EPB41L5: variants seen among roughly 807,000 people sequenced by gnomAD.
EPB41L5 encodes erythrocyte membrane protein band 4.1 like 5, also known as band 4.1-like protein 5.
In EPB41L5, 55 loss-of-function variants were observed where a neutral mutation model predicts 106.6. The observed-to-expected ratio is 0.52, with a 90% CI of 0.42 to 0.65. The LOEUF is 0.65. EPB41L5 is among the 30% of genes least tolerant of loss of function. EPB41L5 has a pLI of 0.00. For missense variants in EPB41L5, 871 were observed against 882.1 expected (o/e 0.99, Z 0.16); for synonymous variants, 297 against 306.7 (o/e 0.97, Z 0.33).
intron 3 of EPB41L5, among the ~76,000 whole-genome samples, chr2:120,050,135 A>G (rs1357027901): frequency 1.3e-5 from 2 of 152,002 alleles, no homozygotes. Flanking sequence ...TCTGACAATT[A>G]TATGTCTTGG....
At chr2:120,157,060 TAGA>T (rs1490280473) in intron 20 of EPB41L5, among the ~76,000 whole-genome samples, 1 of 152,136 alleles carries the variant, frequency 6.6e-6, no homozygotes. Context: ...TCAGCAAATG[TAGA>T]AGAACTGAAA....
chr2:120,158,499 C>T, intron 20 of EPB41L5, among the ~76,000 whole-genome samples: 1 of 152,216 alleles, frequency 6.6e-6, no homozygotes, highest in East Asian at 1.9e-4. Context: ...ACATTATTAT[C>T]TCAATAGATG....
chr2:120,082,925 G>T (rs914507089), intron 10 of EPB41L5, among the ~76,000 whole-genome samples: 1 of 152,104 alleles, frequency 6.6e-6, no homozygotes, highest in Non-Finnish European at 1.5e-5. Context: ...ATGGTAGTTT[G>T]TATTTCTGTG....
At chr2:120,100,153 T>G (rs1182447816) in intron 14 of EPB41L5, 91 bp from the exon 15 acceptor site, 2 of 907,474 alleles carry the variant, frequency 2.2e-6, no homozygotes, top group Non-Finnish European at 3.3e-6. Context: ...ATCTTTAAAA[T>G]AAATATTTTA....
intron 14 of EPB41L5, 82 bp downstream of exon 14, chr2:120,093,358 C>A: frequency 8.7e-7 from 1 of 1,153,482 alleles, no homozygotes; most frequent in Non-Finnish European, 1.3e-6. Flanking sequence ...TATTTAAGAC[C>A]TATCAAAATG....
At chr2:120,109,283 C>T (rs937170990) in intron 16 of EPB41L5, among the ~76,000 whole-genome samples, 1 of 152,162 alleles carries the variant, frequency 6.6e-6, no homozygotes, top group African/African-American at 2.4e-5. Flanking sequence ...TCAATGCTCC[C>T]TGATACCATA....
At chr2:120,021,893 G>A (rs1047485590) in intron 2 of EPB41L5, among the ~76,000 whole-genome samples, 6 of 152,150 alleles carry the variant, frequency 3.9e-5, no homozygotes, top group Non-Finnish European at 8.8e-5. Context: ...ATTGAATGAA[G>A]CACATACTCA....
chr2:120,061,286 G>T (rs1681051139), intron 3 of EPB41L5, among the ~76,000 whole-genome samples: 1 of 147,736 alleles, frequency 6.8e-6, no homozygotes, highest in Non-Finnish European at 1.5e-5. Context: ...GCAGTGGCGG[G>T]ATCTCGGCTC....
At chr2:120,122,853 G>T (rs1425774170) in intron 16 of EPB41L5, among the ~76,000 whole-genome samples, 2 of 152,140 alleles carry the variant, frequency 1.3e-5, no homozygotes, top group Non-Finnish European at 2.9e-5. Context: ...TTATTTCTGA[G>T]CAGTGGTTTG....
At chr2:120,049,679 G>A (rs1309873012) in intron 3 of EPB41L5, among the ~76,000 whole-genome samples, 2 of 152,054 alleles carry the variant, frequency 1.3e-5, no homozygotes, top group African/African-American at 4.8e-5. Context: ...GGTTAATATT[G>A]CCATGTGTGA....
intron 1 of EPB41L5, 58 bp from the exon 2 acceptor site, chr2:120,019,019 A>G (rs1677736731): frequency 7.0e-7 from 1 of 1,425,694 alleles, no homozygotes; most frequent in Non-Finnish European, 9.6e-7. Context: ...GACTGACTGC[A>G]AGTTGTGGAG....
chr2:120,116,818 ATATC>A (rs1202091130), intron 16 of EPB41L5, among the ~76,000 whole-genome samples: 1 of 152,150 alleles, frequency 6.6e-6, no homozygotes, highest in Non-Finnish European at 1.5e-5. Flanking sequence ...ATGAGCCACT[ATATC>A]TACCTAAATG....
intron 3 of EPB41L5, among the ~76,000 whole-genome samples, chr2:120,060,802 A>C (rs1478096056): frequency 1.3e-5 from 2 of 152,186 alleles, no homozygotes; most frequent in Non-Finnish European, 2.9e-5. Context: ...TTATGTTAAA[A>C]TGTAAGCATT....
At chr2:120,156,364 A>C (rs936385303) in intron 20 of EPB41L5, among the ~76,000 whole-genome samples, 4 of 152,114 alleles carry the variant, frequency 2.6e-5, no homozygotes, top group African/African-American at 9.7e-5. Flanking sequence ...ACGGCCATGC[A>C]CCAGCCTGCC....
At chr2:120,060,617 G>A (rs779000952) in intron 3 of EPB41L5, among the ~76,000 whole-genome samples, 11 of 152,152 alleles carry the variant, frequency 7.2e-5, no homozygotes, top group African/African-American at 1.2e-4. Flanking sequence ...GGATATTGGC[G>A]TTGGGGGAGT....
intron 20 of EPB41L5, among the ~76,000 whole-genome samples, chr2:120,156,616 T>C (rs942005389): frequency 3.3e-5 from 5 of 151,930 alleles, no homozygotes; most frequent in East Asian, 1.9e-4. Context: ...GGAGTGAAAA[T>C]AGGCATGGAG....
chr2:120,167,752 CAG>C lies in EPB41L5; in HGVS notation c.2005-124_2005-123del, dbSNP rs368478906. The C allele has an allele frequency of 7.0e-4, 874 of 1,242,434 alleles. 4 individuals are homozygous for C. In the African/African-American group the frequency reaches 0.011, roughly 16 times the overall value. 77.0% of individuals were successfully genotyped at this position (1,242,434 alleles called of 1,614,324 possible). On this transcript the variant is annotated intron_variant, in intron 23 of 24. Coordinates refer to ENST00000263713, the MANE Select transcript of EPB41L5 (RefSeq NM_020909.4). The stretch of plus-strand genomic sequence containing the variant: ...GAATAGTTAAGAAAAACAAAACAAA[CAG>C]TCATAATTATCAAAACCATCTTCGT...
intron 16 of EPB41L5, among the ~76,000 whole-genome samples, chr2:120,125,139 A>G (rs1298568710): frequency 6.6e-6 from 1 of 152,198 alleles, no homozygotes; most frequent in Non-Finnish European, 1.5e-5. Context: ...TTCTTATGTA[A>G]AGAACAACTT....
chr2:120,165,670 T>G (rs763319039), intron 22 of EPB41L5, among the ~76,000 whole-genome samples: 5 of 151,928 alleles, frequency 3.3e-5, no homozygotes, highest in African/African-American at 7.3e-5. Flanking sequence ...ATGAGAGAGA[T>G]AGAAATGACT....
Sources: gnomAD v4.1 joint callset for allele counts (sites outside exome capture counted in the v4.1 genomes callset) on GRCh38, gnomAD v4.1.1 for gene constraint, MANE v1.5 for transcripts, NCBI Gene and HGNC (gene_info 2026-07-23, HGNC 2026-07-21) for gene names.